The following P2RY6 variants were observed in gnomAD, a reference collection of about 807,000 sequenced individuals.
P2RY6 encodes pyrimidinergic receptor P2Y6.
Under a neutral mutation model 16.3 loss-of-function variants are expected in P2RY6, and 19 were observed. The ratio of observed to expected loss-of-function variants is 1.16; its 90% CI spans 0.81 to 1.71. P2RY6 has a LOEUF of 1.71. Among genes scored for constraint, P2RY6 ranks in the 40% most tolerant of loss-of-function variants. The pLI, the probability that P2RY6 is intolerant of heterozygous loss-of-function variation, is 0.00. For missense variants in P2RY6, 389 were observed against 455.5 expected (o/e 0.85, Z 1.33); for synonymous variants, 184 against 201.5 (o/e 0.91, Z 0.74).
intron 1 of P2RY6, among the ~76,000 whole-genome samples, chr11:73,274,259 C>T (rs1863437921): frequency 6.6e-6 from 1 of 152,178 alleles, no homozygotes; most frequent in South Asian, 2.1e-4. Flanking sequence ...ACTGTTGTGG[C>T]TTACCTAGTA....
intron 1 of P2RY6, among the ~76,000 whole-genome samples, chr11:73,285,585 G>T (rs1863938086): frequency 1.3e-5 from 2 of 152,240 alleles, no homozygotes; most frequent in South Asian, 4.1e-4. Context: ...GCGACAGGCA[G>T]TCCTGCTGAT....
chr11:73,274,776 A>G (rs944773249), intron 1 of P2RY6, among the ~76,000 whole-genome samples: 10 of 152,296 alleles, frequency 6.6e-5, no homozygotes, highest in Non-Finnish European at 1.2e-4. Context: ...ACAGGTGCCC[A>G]TTACAGCAGA....
upstream of P2RY6, among the ~76,000 whole-genome samples, chr11:73,269,606 C>A (rs1168510213): frequency 2.6e-5 from 4 of 152,180 alleles, no homozygotes; most frequent in African/African-American, 4.8e-5. Flanking sequence ...GTACACACTC[C>A]AGAGCCACTC....
At chr11:73,287,165 C>A (rs1864001769) in intron 1 of P2RY6, among the ~76,000 whole-genome samples, 1 of 152,246 alleles carries the variant, frequency 6.6e-6, no homozygotes, top group African/African-American at 2.4e-5. Flanking sequence ...TGTGGATAGT[C>A]TCCTCCCTGG....
chr11:73,293,248 G>A (rs1259315570), intron 1 of P2RY6, among the ~76,000 whole-genome samples: 2 of 152,222 alleles, frequency 1.3e-5, no homozygotes, highest in African/African-American at 2.4e-5. Flanking sequence ...GCCACTGGCT[G>A]TGTGGGAGTC....
intron 1 of P2RY6, among the ~76,000 whole-genome samples, chr11:73,291,611 A>G (rs1864249723): frequency 6.6e-6 from 1 of 152,176 alleles, no homozygotes; most frequent in Non-Finnish European, 1.5e-5. Flanking sequence ...GTGTGATCCA[A>G]ACTTTGGGTT....
chr11:73,290,353 A>AGG (rs1565170765), intron 1 of P2RY6, among the ~76,000 whole-genome samples: 13 of 125,256 alleles, frequency 1.0e-4, no homozygotes, highest in African/African-American at 3.7e-4. Context: ...GAAAGAAAGA[A>AGG]AGAAAGAAAG....
rs551501252 is a variant in P2RY6 at position 73,293,374 on chromosome 11, T to C, written c.-120-2356T>C. Reference sequence around the variant, plus strand: ...GGTCTTGAATGTCAGGAAAAGGGTTTGGGCTTTTCCCCCAAAGGGCAGAGG... The same window carrying C: ...GGTCTTGAATGTCAGGAAAAGGGTTCGGGCTTTTCCCCCAAAGGGCAGAGG... On this transcript the variant is annotated intron_variant, in intron 1 of 2. Transcript: ENST00000540124. 4.8e-4 allele frequency among the ~76,000 whole-genome samples: 73 copies of C among 152,302 alleles called. No homozygotes were observed. The South Asian group carries it at 0.012, about 26-fold the overall frequency.
At chr11:73,268,306 G>A (rs1217442901), upstream of P2RY6, among the ~76,000 whole-genome samples, 1 of 152,228 alleles carries the variant, frequency 6.6e-6, no homozygotes, top group East Asian at 1.9e-4. Context: ...TGCAGAGAGG[G>A]AAAACCTCTG....
intron 1 of P2RY6, among the ~76,000 whole-genome samples, chr11:73,279,375 T>C (rs1863667379): frequency 6.6e-6 from 1 of 152,274 alleles, no homozygotes; most frequent in South Asian, 2.1e-4. Context: ...TAAATTTTGA[T>C]AAATTTCAAC....
rs1432906690 is a variant in P2RY6, at chr11:73,296,728, G to A, written c.210G>A (p.Leu70=). 1.2e-6 allele frequency: 2 copies of A among 1,613,842 alleles called. No homozygotes were observed. Among genetic ancestry groups the A allele is most frequent in the Non-Finnish European group, 1.7e-6 (2 of 1,180,024 alleles). The change falls in exon 3 of 3, where the codon CTG becomes CTA. Residue 70 remains leucine, a synonymous_variant. Coordinates refer to ENST00000540124, the MANE Select transcript of P2RY6 (RefSeq NM_001277204.2). ...RTAVYTLNLA[L]ADLLYACSLP... is the part of the protein sequence containing the mutation. ...CCGTGTACACCCTAAACCTTGCTCT[G>A]GCTGACCTGCTATATGCCTGCTCCC... is the stretch of plus-strand genomic sequence containing the variant.
chr11:73,279,122 A>C (rs919523080), intron 1 of P2RY6, among the ~76,000 whole-genome samples: 1 of 147,472 alleles, frequency 6.8e-6, no homozygotes, highest in African/African-American at 2.5e-5. Flanking sequence ...TTCCCTATTG[A>C]TTAGTAATGT....
rs548986187 is a variant in P2RY6, at chr11:73,293,718, G to A, written c.-120-2012G>A. ...AGGTTTTCCCAGAGAGCTGTGCACC[G>A]GATCCCCTCCTGCAGCCCCCTGCCT... On this transcript the variant is annotated intron_variant, in intron 1 of 2. Coordinates refer to ENST00000540124, the MANE Select transcript of P2RY6 (RefSeq NM_001277204.2). Among the ~76,000 whole-genome samples, 9 of 152,294 alleles carry A rather than the reference G, an allele frequency of 5.9e-5. No homozygotes were observed. In the East Asian group the frequency reaches 1.2e-3, roughly 20 times the overall value.
chr11:73,289,851 A>C (rs1269769530), intron 1 of P2RY6, among the ~76,000 whole-genome samples: 1 of 152,206 alleles, frequency 6.6e-6, no homozygotes, highest in Non-Finnish European at 1.5e-5. Context: ...TTCGTCTATA[A>C]AGGGGAGGGA....
At chr11:73,290,141 G>A (rs989776941) in intron 1 of P2RY6, among the ~76,000 whole-genome samples, 1 of 151,944 alleles carries the variant, frequency 6.6e-6, no homozygotes, top group Non-Finnish European at 1.5e-5. Context: ...AGAATCGCTT[G>A]AACCTGGGAG....
At chr11:73,271,576 T>C (rs1446891917), upstream of P2RY6, 2 of 152,130 alleles carry the variant, frequency 1.3e-5, no homozygotes, top group African/African-American at 4.8e-5. Context: ...TGTCCTTCCA[T>C]ACAATCTCTG....
chr11:73,284,414 T>A (rs1863884398), intron 1 of P2RY6, among the ~76,000 whole-genome samples: 1 of 151,910 alleles, frequency 6.6e-6, no homozygotes, highest in Non-Finnish European at 1.5e-5. Context: ...GAGGGAGTGA[T>A]CCTGTGCAGG....
intron 1 of P2RY6, among the ~76,000 whole-genome samples, chr11:73,276,816 T>C (rs1461442898): frequency 6.6e-6 from 1 of 152,210 alleles, no homozygotes; most frequent in Admixed American, 6.5e-5. Context: ...GTGAATATGC[T>C]AAAAACCTCT....
At chr11:73,273,083 A>G in intron 1 of P2RY6, among the ~76,000 whole-genome samples, 1 of 141,906 alleles carries the variant, frequency 7.0e-6, no homozygotes, top group Admixed American at 7.1e-5. Flanking sequence ...GCCCCGTGAG[A>G]GTGGTTTGGA....
Sources: allele counts gnomAD v4.1 joint callset (sites outside exome capture counted in the v4.1 genomes callset), GRCh38; gene constraint gnomAD v4.1.1; transcripts MANE v1.5; gene names NCBI Gene and HGNC (gene_info 2026-07-23, HGNC 2026-07-21).